ZFPM2: variants seen among roughly 807,000 people sequenced by gnomAD.
ZFPM2 encodes the protein zinc finger protein, FOG family member 2.
ZFPM2 carries 20 observed loss-of-function variants against 98.6 expected under a neutral mutation model. The observed-to-expected ratio is 0.20, with a 90% confidence interval of 0.14 to 0.29. The LOEUF (loss-of-function observed/expected upper bound fraction) is 0.29. ZFPM2 is among the 10% of genes least tolerant of loss of function. The pLI, the probability that ZFPM2 is intolerant of heterozygous loss-of-function variation, is 1.00. For missense variants in ZFPM2, 1,310 were observed against 1,388.6 expected, an observed-to-expected ratio of 0.94 and a Z score of 0.90; for synonymous variants, 518 against 502.7, an observed-to-expected ratio of 1.03 and a Z score of -0.41.
chr8:105,393,332 C>G (rs367728106), intron 1 of ZFPM2, among the ~76,000 whole-genome samples: 5,811 of 44,034 alleles, frequency 0.13, 230 homozygotes, highest in Middle Eastern at 0.23. Flanking sequence ...CTCTCTCTCT[C>G]TTTGCCTTTC....
intron 3 of ZFPM2, among the ~76,000 whole-genome samples, chr8:105,457,229 A>G (rs982392875): frequency 1.3e-5 from 2 of 152,100 alleles, no homozygotes; most frequent in Non-Finnish European, 2.9e-5. Flanking sequence ...CTTGGGTGTT[A>G]TTATATCTTT....
intron 3 of ZFPM2, among the ~76,000 whole-genome samples, chr8:105,534,089 C>T (rs1398019792): frequency 2.6e-4 from 6 of 23,318 alleles, no homozygotes; most frequent in Admixed American, 4.3e-4. Context: ...CCATCTTCCT[C>T]CCTCCCTCCC....
Position 105,362,716 on chromosome 8 carries a change from C to A in ZFPM2, c.40+43735C>A, listed in dbSNP as rs1451441081. The stretch of plus-strand genomic sequence containing the variant: ...AATGCGCGGAAAGTCTGAGTGTACA[C>A]AATATTGGAAGTAGCAGCTTTGTGA... On this transcript the variant is annotated intron_variant, in intron 1 of 7. Transcript: ENST00000407775. Among the ~76,000 whole-genome samples the A allele has an allele frequency of 2.6e-5, 4 of 152,074 alleles. No homozygotes were observed. In the East Asian group the frequency reaches 7.7e-4, roughly 29 times the overall value.
chr8:105,629,068 A>G (rs776779988), intron 4 of ZFPM2, among the ~76,000 whole-genome samples: 27 of 152,138 alleles, frequency 1.8e-4, no homozygotes, highest in Non-Finnish European at 3.2e-4. Context: ...TGCCGGCACT[A>G]AAGCATCTGG....
intron 3 of ZFPM2, among the ~76,000 whole-genome samples, chr8:105,454,714 A>G (rs779506992): frequency 2.0e-5 from 3 of 152,178 alleles, no homozygotes; most frequent in Non-Finnish European, 2.9e-5. Context: ...TTATCTTATG[A>G]AAGTCTTCCC....
chr8:105,559,203 G>A (rs1219211514), intron 3 of ZFPM2, among the ~76,000 whole-genome samples: 8 of 152,252 alleles, frequency 5.3e-5, no homozygotes, highest in Non-Finnish European at 1.2e-4. Flanking sequence ...TTGTTATTCT[G>A]TATACAGAAA....
At chr8:105,749,951 A>G (rs1220141638) in intron 5 of ZFPM2, among the ~76,000 whole-genome samples, 1 of 152,082 alleles carries the variant, frequency 6.6e-6, no homozygotes, top group Non-Finnish European at 1.5e-5. Flanking sequence ...GTATGCAGGT[A>G]TGAGTACACA....
In ZFPM2 at chr8:105,602,115, T is replaced by C. The variant is rs113860758; in HGVS notation, c.421-32131T>C. On this transcript the variant is annotated intron_variant, in intron 4 of 7. Coordinates refer to ENST00000407775, the MANE Select transcript of ZFPM2 (RefSeq NM_012082.4). ...CAGTGAGTTATGCCCTTGACTTTCT[T>C]GATTCTGTCATTGAAAACCCTAAGG... Among the ~76,000 whole-genome samples the C allele has an allele frequency of 1.5e-3, 221 of 152,200 alleles. 1 individual carries two copies. Among genetic ancestry groups the C allele is most frequent in the South Asian group, 5.0e-3 (24 of 4,822 alleles).
intron 3 of ZFPM2, among the ~76,000 whole-genome samples, chr8:105,462,952 A>G (rs1812729913): frequency 6.6e-6 from 1 of 152,158 alleles, no homozygotes; most frequent in African/African-American, 2.4e-5. Context: ...AGATTGAAAA[A>G]TATAATTTAG....
rs1383244093 is a variant in ZFPM2 at position 105,384,648 on chromosome 8, C to T, written c.41-34496C>T. Among the ~76,000 whole-genome samples, 4 of 151,938 alleles carry T rather than the reference C, an allele frequency of 2.6e-5. No individual in the cohort carries two copies. The East Asian group carries it at 7.8e-4, about 30-fold the overall frequency. On this transcript the variant is annotated intron_variant, in intron 1 of 7. Coordinates refer to ENST00000407775, the MANE Select transcript of ZFPM2 (RefSeq NM_012082.4). ...ATAGTTAGTTGGGAACAAACATTAA[C>T]CCGTTTGGAGCAAGAGCTTTGACAA...
chr8:105,668,725 A>G (rs1227107907), intron 5 of ZFPM2, among the ~76,000 whole-genome samples: 1 of 152,222 alleles, frequency 6.6e-6, no homozygotes, highest in African/African-American at 2.4e-5. Context: ...ATAGATGCTT[A>G]ATACTCAGCA....
chr8:105,727,671 C>T (rs1811844824), intron 5 of ZFPM2, among the ~76,000 whole-genome samples: 1 of 151,664 alleles, frequency 6.6e-6, no homozygotes, highest in Non-Finnish European at 1.5e-5. Context: ...GTGTTCCCCT[C>T]ATTGCACTGT....
At chr8:105,344,651 C>G (rs1180962640) in intron 1 of ZFPM2, among the ~76,000 whole-genome samples, 4 of 151,838 alleles carry the variant, frequency 2.6e-5, no homozygotes, top group Non-Finnish European at 5.9e-5. Context: ...TCTGTGTGCC[C>G]CCTTCATTTA....
intron 1 of ZFPM2, among the ~76,000 whole-genome samples, chr8:105,394,954 G>C (rs1811191992): frequency 6.6e-6 from 1 of 152,188 alleles, no homozygotes; most frequent in African/African-American, 2.4e-5. Flanking sequence ...GTGTCAAACA[G>C]TCTTTTCTGG....
intron 5 of ZFPM2, among the ~76,000 whole-genome samples, chr8:105,681,382 G>A (rs1326083936): frequency 6.6e-6 from 1 of 152,046 alleles, no homozygotes; most frequent in African/African-American, 2.4e-5. Flanking sequence ...ATACCATTTA[G>A]TTCTGATGAC....
At chr8:105,755,184 C>T (rs2131061057) in intron 5 of ZFPM2, among the ~76,000 whole-genome samples, 1 of 152,196 alleles carries the variant, frequency 6.6e-6, no homozygotes, top group African/African-American at 2.4e-5. Flanking sequence ...GGAAAGACTT[C>T]ATAATGATTT....
At chr8:105,634,588 A>G (rs1266460739) in intron 5 of ZFPM2, among the ~76,000 whole-genome samples, 1 of 152,092 alleles carries the variant, frequency 6.6e-6, no homozygotes, top group Non-Finnish European at 1.5e-5. Flanking sequence ...TGCCTTATAC[A>G]TTTACCTAAC....
At chr8:105,601,119 G>A (rs1451418320) in intron 4 of ZFPM2, among the ~76,000 whole-genome samples, 1 of 151,998 alleles carries the variant, frequency 6.6e-6, no homozygotes, top group Non-Finnish European at 1.5e-5. Flanking sequence ...CTTATACTTG[G>A]CAGCTGACAA....
In ZFPM2 at chr8:105,798,890, G is replaced by A. The variant is rs1485527820; in HGVS notation, c.906G>A (p.Gln302=). Residue 302 remains glutamine, a synonymous_variant, in exon 7 of 8, where the codon CAG becomes CAA. Coordinates refer to ENST00000407775, the MANE Select transcript of ZFPM2 (RefSeq NM_012082.4). ...TTTCCAGCCTGTGCCCCTTCCCACA[G>A]TGCACCAAGAGCTTTTCAAATGCTC... The part of the protein sequence containing the change: ...HQISSLCPFP[Q]CTKSFSNARA... 6.2e-7 allele frequency: 1 copy of A among 1,613,830 alleles called. No homozygotes were observed.
Sources: allele counts gnomAD v4.1 joint callset (sites outside exome capture counted in the v4.1 genomes callset), GRCh38; gene constraint gnomAD v4.1.1; transcripts MANE v1.5; gene names NCBI Gene and HGNC (gene_info 2026-07-23, HGNC 2026-07-21).